Variants in CNTNAP4 observed in about 807,000 individuals in gnomAD.
CNTNAP4 encodes contactin associated protein family member 4, also known as contactin-associated protein-like 4.
In CNTNAP4, 98 loss-of-function variants were observed where a neutral mutation model predicts 148.4. The observed-to-expected ratio is 0.66, with a 90% CI of 0.56 to 0.78. The LOEUF (loss-of-function observed/expected upper bound fraction) is 0.78. Ranked by LOEUF, CNTNAP4 falls within the 30% of genes least tolerant of loss-of-function variation. CNTNAP4 has a pLI of 0.00. For missense variants in CNTNAP4, 1,935 were observed against 1,565.6 expected (o/e 1.24, Z -3.98); for synonymous variants, 730 against 565.1 (o/e 1.29, Z -4.14).
At chr16:76,399,002 G>A (rs2078309408) in intron 3 of CNTNAP4, among the ~76,000 whole-genome samples, 1 of 152,024 alleles carries the variant, frequency 6.6e-6, no homozygotes. Flanking sequence ...TTGTGGTAGT[G>A]AATAAGTCTC....
intron 17 of CNTNAP4, among the ~76,000 whole-genome samples, chr16:76,528,674 C>T (rs1304475340): frequency 2.0e-5 from 3 of 152,098 alleles, no homozygotes; most frequent in Non-Finnish European, 4.4e-5. Context: ...TGCTAAAAGC[C>T]GGTCATAAAG....
intron 15 of CNTNAP4, among the ~76,000 whole-genome samples, chr16:76,502,957 C>A (rs1568429142): frequency 6.6e-6 from 1 of 152,046 alleles, no homozygotes; most frequent in Admixed American, 6.5e-5. Context: ...GACTGTTGGA[C>A]CTACTAGTAC....
chr16:76,407,692 A>C (rs942515069), intron 3 of CNTNAP4, among the ~76,000 whole-genome samples: 2 of 152,128 alleles, frequency 1.3e-5, no homozygotes, highest in Admixed American at 6.6e-5. Context: ...GAGAGAAGAA[A>C]GTGGTTTCTT....
Position 76,478,336 on chromosome 16 carries a change from A to C in CNTNAP4, c.1763-1083A>C, listed in dbSNP as rs114113235. On this transcript the variant is annotated intron_variant, in intron 11 of 23. Coordinates refer to ENST00000611870, the MANE Select transcript of CNTNAP4 (RefSeq NM_033401.5). ...CATTTTTACGTACTCTCTTCAGTGC[A>C]CAAAATGCAAATGTGACTGGAAGAT... 4.6e-3 allele frequency among the ~76,000 whole-genome samples: 701 copies of C among 152,330 alleles called. 7 individuals carry two copies. The highest frequency in any genetic ancestry group is 0.016 in the African/African-American group (667 of 41,588).
intron 1 of CNTNAP4, among the ~76,000 whole-genome samples, chr16:76,290,087 A>T (rs1959052955): frequency 6.6e-6 from 1 of 152,160 alleles, no homozygotes; most frequent in Non-Finnish European, 1.5e-5. Flanking sequence ...TGTGGACTCC[A>T]AGGTGGTGAA....
intron 7 of CNTNAP4, among the ~76,000 whole-genome samples, chr16:76,450,326 A>G (rs1597582058): frequency 6.6e-6 from 1 of 151,714 alleles, no homozygotes. Context: ...TTTTTTGTAT[A>G]TTTTGTAGAG....
intron 3 of CNTNAP4, among the ~76,000 whole-genome samples, chr16:76,359,991 G>C (rs1461772493): frequency 2.0e-5 from 3 of 152,200 alleles, no homozygotes. Context: ...TTATACTGCA[G>C]ACTACAAGGG....
At chr16:76,483,753 T>C (rs551054229) in intron 12 of CNTNAP4, among the ~76,000 whole-genome samples, 1 of 152,304 alleles carries the variant, frequency 6.6e-6, no homozygotes, top group East Asian at 1.9e-4. Flanking sequence ...AAACAATGTT[T>C]CCTTGTTCAG....
intron 18 of CNTNAP4, among the ~76,000 whole-genome samples, chr16:76,537,247 A>G (rs1340291343): frequency 6.6e-6 from 1 of 152,200 alleles, no homozygotes; most frequent in Admixed American, 6.5e-5. Context: ...TGCGTGTTAT[A>G]GATAATAAAA....
At chr16:76,552,226 G>A (rs1255113986) in intron 21 of CNTNAP4, among the ~76,000 whole-genome samples, 3 of 152,140 alleles carry the variant, frequency 2.0e-5, no homozygotes, top group Non-Finnish European at 4.4e-5. Context: ...ACAGCATGGG[G>A]GAAACTGCCT....
intron 3 of CNTNAP4, among the ~76,000 whole-genome samples, chr16:76,366,298 A>G (rs1167126087): frequency 6.6e-6 from 1 of 152,206 alleles, no homozygotes; most frequent in Middle Eastern, 3.4e-3. Context: ...TCCATTCTCA[A>G]GTAAGCCCCA....
At chr16:76,445,833 C>T (rs753347436) in intron 4 of CNTNAP4, among the ~76,000 whole-genome samples, 3 of 152,118 alleles carry the variant, frequency 2.0e-5, no homozygotes, top group Non-Finnish European at 2.9e-5. Context: ...TACATTAACT[C>T]GGAGATAACT....
Position 76,449,950 on chromosome 16 carries a change from G to T in CNTNAP4, c.1071+92G>T, listed in dbSNP as rs2080398945. 8.7e-6 allele frequency: 9 copies of T among 1,029,112 alleles called. No individual in the cohort carries two copies. In the South Asian group the frequency reaches 1.3e-4, roughly 15 times the overall value. The allele number at this position is 1,029,112 out of a possible 1,614,324, so 63.7% of individuals were successfully genotyped here. ...CATTTTAGGTTCCCATTTGACATGG[G>T]GTTTTAGAGGTACTCTTATTTAAAT... On this transcript the variant is annotated intron_variant, in intron 7 of 23. Coordinates refer to ENST00000611870, the MANE Select transcript of CNTNAP4 (RefSeq NM_033401.5).
chr16:76,418,790 A>G (rs750643076), intron 3 of CNTNAP4, among the ~76,000 whole-genome samples: 4 of 151,658 alleles, frequency 2.6e-5, no homozygotes, highest in Non-Finnish European at 4.4e-5. Flanking sequence ...AAAATGCGCT[A>G]TATCTGATGA....
intron 12 of CNTNAP4, among the ~76,000 whole-genome samples, chr16:76,482,940 G>A (rs562326307): frequency 2.0e-5 from 3 of 152,096 alleles, no homozygotes; most frequent in Non-Finnish European, 4.4e-5. Context: ...TCTGGTATGC[G>A]AGAATTAAAC....
chr16:76,304,572 CT>C (rs1381609023), intron 1 of CNTNAP4, among the ~76,000 whole-genome samples: 1 of 152,172 alleles, frequency 6.6e-6, no homozygotes, highest in Admixed American at 6.5e-5. Flanking sequence ...TTGGGATAAT[CT>C]TCCAAGTGAC....
At chr16:76,419,812 TTG>T (rs2079116127) in intron 3 of CNTNAP4, among the ~76,000 whole-genome samples, 2 of 152,120 alleles carry the variant, frequency 1.3e-5, no homozygotes, top group East Asian at 3.9e-4. Context: ...AGGGTCCTAT[TTG>T]TGGTTTGCAG....
chr16:76,339,753 T>C (rs948698150), intron 2 of CNTNAP4, among the ~76,000 whole-genome samples: 1 of 152,224 alleles, frequency 6.6e-6, no homozygotes, highest in Admixed American at 6.5e-5. Context: ...ACAGCTCAAC[T>C]AATGAGAAGC....
At chr16:76,471,060 T>G (rs972424668) in intron 10 of CNTNAP4, among the ~76,000 whole-genome samples, 4 of 152,116 alleles carry the variant, frequency 2.6e-5, no homozygotes, top group African/African-American at 9.7e-5. Flanking sequence ...CTTCTTATAT[T>G]CACATCTTCC....
Sources: allele counts gnomAD v4.1 joint callset (sites outside exome capture counted in the v4.1 genomes callset), GRCh38; gene constraint gnomAD v4.1.1; transcripts MANE v1.5; gene names NCBI Gene and HGNC (gene_info 2026-07-23, HGNC 2026-07-21).